CUBN: variants seen among roughly 807,000 people sequenced by gnomAD.
CUBN encodes the protein cubilin, also known as 460 kDa receptor.
CUBN carries 282 observed loss-of-function variants against 405.3 expected under a neutral mutation model. The ratio of observed to expected loss-of-function variants is 0.70; its 90% CI spans 0.63 to 0.77. The LOEUF is 0.77. CUBN is among the 30% of genes least tolerant of loss of function. CUBN has a pLI of 0.00. For synonymous variants in CUBN, 1,684 were observed against 1,617.0 expected (o/e 1.04, Z -0.99); for missense variants, 4,514 against 4,475.2 (o/e 1.01, Z -0.25).
rs546771390 is a variant in CUBN, at chr10:16,928,059, T to C, written c.6271+98A>G. 1.7e-5 allele frequency: 23 copies of C among 1,386,190 alleles called. No individual in the cohort carries two copies. The East Asian group carries it at 5.4e-4, about 33-fold the overall frequency. 85.9% of individuals were successfully genotyped at this position (1,386,190 alleles called of 1,614,324 possible). On this transcript the variant is annotated intron_variant, in intron 41 of 66. Transcript: ENST00000377833. ...CCCATGTCCTCTGACTTGTCTTGTG[T>C]CCTGGTGCCCAAAAACATTATATTA...
intron 43 of CUBN, 148 bp downstream of exon 43, chr10:16,925,093 G>T: frequency 3.1e-6 from 2 of 647,820 alleles, no homozygotes; most frequent in South Asian, 1.9e-5. Context: ...GTCACGATGA[G>T]ATATTGAATG....
Position 16,925,397 on chromosome 10 carries a change from G to A in CUBN, c.6490C>T (p.Pro2164Ser), listed in dbSNP as rs199915629. The A allele has an allele frequency of 1.8e-4, 288 of 1,613,978 alleles. No homozygotes were observed. In the East Asian group the frequency reaches 5.6e-3, roughly 31 times the overall value. The change falls in exon 43 of 67, where the codon CCA (proline) becomes TCA (serine). Residue 2164 changes from proline (P) to serine (S), a missense_variant. Physicochemically the swap from Pro to Ser is moderately conservative, Grantham distance 74 (BLOSUM62 -1). Coordinates refer to ENST00000377833, the MANE Select transcript of CUBN (RefSeq NM_001081.4). ...VLRNGPDICSPPLGPPGGNGH... is the reference protein window; with the variant it reads ...VLRNGPDICSSPLGPPGGNGH... ...TTTCCTCCAGGGGGTCCCAAGGGTG[G>A]AGAACAGATATCAGGACCATTTCTT...
intron 28 of CUBN, among the ~76,000 whole-genome samples, chr10:17,010,816 C>G (rs909154548): frequency 2.6e-5 from 4 of 152,192 alleles, no homozygotes; most frequent in African/African-American, 4.8e-5. Context: ...AAGCCCCATA[C>G]ATATTTTAAC....
intron 66 of CUBN, among the ~76,000 whole-genome samples, chr10:16,826,792 A>G (rs1361263968): frequency 6.6e-6 from 1 of 152,140 alleles, no homozygotes; most frequent in African/African-American, 2.4e-5. Flanking sequence ...CAAGTCCAGG[A>G]TATACTTGTT....
chr10:16,959,683 T>A (rs1391596952), intron 31 of CUBN, among the ~76,000 whole-genome samples: 2 of 151,750 alleles, frequency 1.3e-5, no homozygotes, highest in African/African-American at 2.4e-5. Context: ...TTTATAAAAT[T>A]CCACAAGAAA....
At chr10:16,980,024 TG>T (rs1488588482) in intron 31 of CUBN, among the ~76,000 whole-genome samples, 1 of 151,802 alleles carries the variant, frequency 6.6e-6, no homozygotes, top group Non-Finnish European at 1.5e-5. Context: ...CATCAAAAAG[TG>T]GGCAAAGGAT....
rs548129139 is a variant in CUBN at position 17,045,118 on chromosome 10, G to C, written c.3561C>G (p.His1187Gln). The C allele has an allele frequency of 2.5e-6, 4 of 1,614,036 alleles. No homozygotes were observed. The highest frequency in any genetic ancestry group is 3.4e-6 in the Non-Finnish European group (4 of 1,179,982). Residue 1187 changes from histidine (H) to glutamine (Q), a missense_variant, in exon 25 of 67, where the codon CAC becomes CAG. Transcript: ENST00000377833. ...TCAACCACCAGTAGCATTCAGAGCTGTGGTAATAGGGCATCGGGTAGTTGG... is the reference window on the plus strand; with the variant it reads ...TCAACCACCAGTAGCATTCAGAGCTCTGGTAATAGGGCATCGGGTAGTTGG... Reference protein sequence around the residue: ...ISPNYPMPYYHSSECYWWLKS... With the variant: ...ISPNYPMPYYQSSECYWWLKS...
chr10:16,834,953 A>C, intron 64 of CUBN, 61 bp downstream of exon 64: 1 of 1,503,158 alleles, frequency 6.7e-7, no homozygotes, highest in Non-Finnish European at 9.2e-7. Flanking sequence ...AAGGTGTAAA[A>C]TCTTAAGTGA....
At chr10:17,068,377 G>T in intron 20 of CUBN, 97 bp from the exon 21 acceptor site, 2 of 1,314,212 alleles carry the variant, frequency 1.5e-6, no homozygotes, top group South Asian at 1.3e-5. Context: ...AAGATTAAAA[G>T]GAAAAATGTT....
At chr10:16,841,577 T>C (rs2131321601) in intron 60 of CUBN, among the ~76,000 whole-genome samples, 1 of 152,292 alleles carries the variant, frequency 6.6e-6, no homozygotes, top group Admixed American at 6.5e-5. Flanking sequence ...CTCCCACCCC[T>C]GACCTTTCTA....
intron 35 of CUBN, among the ~76,000 whole-genome samples, 199 bp from the exon 36 acceptor site, chr10:16,947,566 G>A (rs1564440855): frequency 6.6e-6 from 1 of 152,164 alleles, no homozygotes; most frequent in East Asian, 1.9e-4. Context: ...GCAGTGTGGT[G>A]GATTAGAAGG....
At chr10:17,026,886 C>T (rs560956600) in intron 27 of CUBN, among the ~76,000 whole-genome samples, 8 of 152,260 alleles carry the variant, frequency 5.3e-5, no homozygotes, top group South Asian at 2.1e-4. Flanking sequence ...CAGAAAAAGC[C>T]GCCTTGCCAT....
At chr10:16,862,475 A>G (rs1840048940) in intron 59 of CUBN, among the ~76,000 whole-genome samples, 1 of 152,196 alleles carries the variant, frequency 6.6e-6, no homozygotes, top group South Asian at 2.1e-4. Context: ...AGGGACAAGC[A>G]GTGATTTTCA....
intron 56 of CUBN, among the ~76,000 whole-genome samples, chr10:16,884,334 C>T (rs1840749739): frequency 6.6e-6 from 1 of 151,942 alleles, no homozygotes; most frequent in South Asian, 2.1e-4. Flanking sequence ...CACTGGCTTG[C>T]TTCATTTTGC....
Position 16,944,257 on chromosome 10 carries a change from C to G in CUBN, c.5342+2978G>C, listed in dbSNP as rs1360720355. ...ATTTACCTTCTGAGGAAAATGATCTCCCTTTCTTCCCTTTCTGCTTTCTGA... is the reference window on the plus strand; with the variant it reads ...ATTTACCTTCTGAGGAAAATGATCTGCCTTTCTTCCCTTTCTGCTTTCTGA... On this transcript the variant is annotated intron_variant, in intron 36 of 66. Coordinates refer to ENST00000377833, the MANE Select transcript of CUBN (RefSeq NM_001081.4). 2.0e-5 allele frequency among the ~76,000 whole-genome samples: 3 copies of G among 152,280 alleles called. 1 individual carries two copies. The Middle Eastern group carries it at 0.01, about 518-fold the overall frequency.
rs1841334310 is a variant in CUBN, at chr10:16,900,665, T to C, written c.8370A>G (p.Gln2790=). Residue 2790 remains glutamine, a synonymous_variant, in exon 53 of 67, where the codon CAA becomes CAG. Transcript: ENST00000377833. ...TCCACGTAGCATAAAATCCACCACC[T>C]TGCAATGAATGGTCTGAGTTAAAAG... ...VVTFNSDHSL[Q]GGGFYATWNT... 1 of 1,614,176 alleles carries C rather than the reference T, an allele frequency of 6.2e-7. No homozygotes were observed.
At chr10:17,048,352 C>T (rs1227388196) in intron 22 of CUBN, among the ~76,000 whole-genome samples, 2 of 152,214 alleles carry the variant, frequency 1.3e-5, no homozygotes, top group South Asian at 4.1e-4. Flanking sequence ...TCTTTAAAAA[C>T]TTTTCTAGTT....
At chr10:17,090,729 G>A (rs1435333255) in intron 14 of CUBN, among the ~76,000 whole-genome samples, 2 of 146,174 alleles carry the variant, frequency 1.4e-5, no homozygotes, top group African/African-American at 5.0e-5. Context: ...TTGTTATTTT[G>A]AAAATATGTA....
intron 15 of CUBN, among the ~76,000 whole-genome samples, chr10:17,087,814 C>T (rs1836157568): frequency 6.6e-6 from 1 of 152,122 alleles, no homozygotes; most frequent in African/African-American, 2.4e-5. Context: ...AAAGACCTTG[C>T]CAGTTTACCA....
Sources: gnomAD v4.1 joint callset for allele counts (sites outside exome capture counted in the v4.1 genomes callset) on GRCh38, gnomAD v4.1.1 for gene constraint, MANE v1.5 for transcripts, NCBI Gene and HGNC (gene_info 2026-07-23, HGNC 2026-07-21) for gene names.